The following PLD3 variants were observed in gnomAD, a reference collection of about 807,000 sequenced individuals.
PLD3 encodes phospholipase D family member 3.
PLD3 carries 31 observed loss-of-function variants against 58.4 expected under a neutral mutation model. That is an observed-to-expected ratio of 0.53 (90% CI 0.40 to 0.72). The LOEUF (loss-of-function observed/expected upper bound fraction) is 0.72. Among genes scored for constraint, PLD3 ranks in the 30% least tolerant of loss-of-function variants. PLD3 has a pLI of 0.00. For synonymous variants in PLD3, 264 were observed against 273.4 expected, an observed-to-expected ratio of 0.97 and a Z score of 0.34; for missense variants, 595 against 659.8, an observed-to-expected ratio of 0.90 and a Z score of 1.08.
rs374032191 is a variant in PLD3, at chr19:40,378,215, C to T, written c.*42C>T. On this transcript the variant is annotated 3_prime_UTR_variant, in exon 13 of 13. Coordinates refer to ENST00000409735, the MANE Select transcript of PLD3 (RefSeq NM_012268.4). ...CAGGCCAAGGCCTGCTGGGCCCCCG[C>T]GGACCCAGGTGCTCTGGGTCACGGT... is the stretch of plus-strand genomic sequence containing the variant. 14 of 1,569,918 alleles carry T rather than the reference C, an allele frequency of 8.9e-6. No homozygotes were observed. Among genetic ancestry groups the T allele is most frequent in the African/African-American group, 5.4e-5 (4 of 73,998 alleles).
chr19:40,372,148 A>G (rs1198000002), intron 9 of PLD3, among the ~76,000 whole-genome samples: 3 of 152,130 alleles, frequency 2.0e-5, no homozygotes. Flanking sequence ...TATATCATCC[A>G]GTATAGCCAC....
At chr19:40,375,436 G>A (rs2145703610) in intron 10 of PLD3, among the ~76,000 whole-genome samples, 1 of 151,566 alleles carries the variant, frequency 6.6e-6, no homozygotes, top group South Asian at 2.1e-4. Context: ...GGATCACGAG[G>A]TCAGGAGATC....
chr19:40,351,365 G>A (rs2078510906), intron 1 of PLD3, among the ~76,000 whole-genome samples: 1 of 152,186 alleles, frequency 6.6e-6, no homozygotes, highest in Non-Finnish European at 1.5e-5. Flanking sequence ...CTAACATGGT[G>A]AAACCTCGTC....
intron 1 of PLD3, among the ~76,000 whole-genome samples, chr19:40,355,201 C>G (rs2078624565): frequency 6.6e-6 from 1 of 152,086 alleles, no homozygotes; most frequent in Non-Finnish European, 1.5e-5. Flanking sequence ...GTCTCCCTCC[C>G]CTGCTTTATT....
intron 1 of PLD3, among the ~76,000 whole-genome samples, chr19:40,364,310 T>C (rs1003557960): frequency 2.0e-5 from 3 of 151,124 alleles, no homozygotes; most frequent in Admixed American, 1.3e-4. Flanking sequence ...ACCAAGATTG[T>C]GCCACTGCAC....
chr19:40,359,852 A>T (rs2078739164), intron 1 of PLD3: 1 of 152,042 alleles, frequency 6.6e-6, no homozygotes, highest in South Asian at 2.1e-4. Context: ...ATGTGTGCTA[A>T]TTCCTTTTTT....
chr19:40,376,406 G>C, intron 10 of PLD3: 1 of 539,642 alleles, frequency 1.9e-6, no homozygotes, highest in South Asian at 2.6e-5. Context: ...GTTTTGGGGA[G>C]CAGGAATGGG....
chr19:40,361,894 T>C lies in PLD3; in HGVS notation c.-278-3824T>C, dbSNP rs1186595487. The stretch of plus-strand genomic sequence containing the variant: ...GTTTCCTTTGTCGCCCACGCTGGAG[T>C]GCGGTGGCGCCAACTCACTGCAACC... On this transcript the variant is annotated intron_variant, in intron 1 of 12. Transcript: ENST00000409735. Among the ~76,000 whole-genome samples the C allele has an allele frequency of 2.6e-5, 4 of 151,750 alleles. No individual in the cohort carries two copies. In the East Asian group the frequency reaches 7.7e-4, roughly 29 times the overall value.
rs777685899 is a variant in PLD3, at chr19:40,366,553, TG to T, written c.27+48del. ...CTCAGCAGGGTGGAACTGGGTACAGTGGGGGTGGGGGTTCCCAAGAGCCACC... is the reference window on the plus strand; with the variant it reads ...CTCAGCAGGGTGGAACTGGGTACAGTGGGGTGGGGGTTCCCAAGAGCCACC... On this transcript the variant is annotated intron_variant, in intron 3 of 12. Coordinates refer to ENST00000409735, the MANE Select transcript of PLD3 (RefSeq NM_012268.4). The T allele has an allele frequency of 2.1e-5, 34 of 1,592,138 alleles. No individual in the cohort carries two copies. In the African/African-American group the frequency reaches 4.3e-4, roughly 20 times the overall value.
intron 1 of PLD3, chr19:40,358,863 C>CT (rs2078713366): frequency 6.6e-6 from 1 of 152,140 alleles, no homozygotes; most frequent in Admixed American, 6.6e-5. Flanking sequence ...CCACCCTCCC[C>CT]TGGGGGTGGG....
chr19:40,374,751 A>G, intron 10 of PLD3, 131 bp downstream of exon 10: 7 of 956,642 alleles, frequency 7.3e-6, no homozygotes, highest in Non-Finnish European at 9.6e-6. Context: ...AGGGAGAGAC[A>G]GTCACCAGGA....
chr19:40,367,275 A>G (rs2078949722), intron 5 of PLD3: 2 of 265,922 alleles, frequency 7.5e-6, no homozygotes, highest in Admixed American at 9.7e-5. Flanking sequence ...TTTTTAAAAG[A>G]AAAGAAAAAC....
In PLD3 at chr19:40,378,248, C is replaced by T. The variant is rs191761727; in HGVS notation, c.*75C>T. 8.0e-6 allele frequency: 11 copies of T among 1,374,606 alleles called. No individual in the cohort carries two copies. In the African/African-American group the frequency reaches 1.3e-4, roughly 16 times the overall value. 85.2% of individuals were successfully genotyped at this position (1,374,606 alleles called of 1,614,324 possible). A position where few individuals can be genotyped will look rare whatever the true frequency, so the allele number is the denominator to read the frequency against. On this transcript the variant is annotated 3_prime_UTR_variant, in exon 13 of 13. Transcript: ENST00000409735. Reference sequence around the variant, plus strand: ...GGTGCTCTGGGTCACGGTCCCTGTCCCCGCGCCCCCGCTTCTGTCTGCCCC... The same window carrying T: ...GGTGCTCTGGGTCACGGTCCCTGTCTCCGCGCCCCCGCTTCTGTCTGCCCC...
intron 1 of PLD3, among the ~76,000 whole-genome samples, chr19:40,352,380 TG>T (rs1436225340): frequency 5.3e-5 from 8 of 151,906 alleles, no homozygotes; most frequent in Non-Finnish European, 1.0e-4. Context: ...TCCCAGACGG[TG>T]GGGGGCAGGC....
chr19:40,375,369 G>T (rs150131396), intron 10 of PLD3, among the ~76,000 whole-genome samples: 1 of 151,276 alleles, frequency 6.6e-6, no homozygotes, highest in Non-Finnish European at 1.5e-5. Flanking sequence ...GATAACAACC[G>T]GCCGGACGTG....
At chr19:40,373,706 G>T (rs528449224) in intron 9 of PLD3, among the ~76,000 whole-genome samples, 1 of 152,110 alleles carries the variant, frequency 6.6e-6, no homozygotes, top group Admixed American at 6.5e-5. Context: ...GTGACTCGAG[G>T]CTGGGCACAG....
At position 40,366,769 on chromosome 19, in the gene PLD3, A is replaced by G. The variant is rs1355926352; in HGVS notation, c.103-4A>G. On this transcript the variant is annotated splice_polypyrimidine_tract_variant and splice_region_variant and intron_variant, in intron 4 of 12. Transcript: ENST00000409735. ...GCTGGCTGACCACCTCCTCCTCCCC[A>G]CAGAAAGCCCGCTGGGTCCTGCTGG... 6.2e-7 allele frequency: 1 copy of G among 1,613,820 alleles called. No homozygotes were observed.
intron 1 of PLD3, among the ~76,000 whole-genome samples, chr19:40,352,948 G>C (rs971290034): frequency 1.2e-4 from 18 of 152,284 alleles, no homozygotes; most frequent in Admixed American, 3.3e-4. Flanking sequence ...GGGCAACAAA[G>C]CGAGGAGACC....
intron 1 of PLD3, among the ~76,000 whole-genome samples, chr19:40,363,826 G>T (rs933405239): frequency 2.0e-5 from 3 of 152,146 alleles, no homozygotes; most frequent in Non-Finnish European, 4.4e-5. Context: ...TCTGACATTG[G>T]TAGGGAGGAG....
Sources: allele counts gnomAD v4.1 joint callset (sites outside exome capture counted in the v4.1 genomes callset), GRCh38; gene constraint gnomAD v4.1.1; transcripts MANE v1.5; gene names NCBI Gene and HGNC (gene_info 2026-07-23, HGNC 2026-07-21).